AGAP1: variants seen among roughly 807,000 people sequenced by gnomAD.
AGAP1 encodes the protein ArfGAP with GTPase domain, ankyrin repeat and PH domain 1, also known as arf-GAP with GTPase, ANK repeat and PH domain-containing protein 1.
AGAP1 carries 29 observed loss-of-function variants against 105.3 expected under a neutral mutation model. The ratio of observed to expected loss-of-function variants is 0.28; its 90% confidence interval spans 0.21 to 0.38. The LOEUF is 0.38. AGAP1 is among the 10% of genes least tolerant of loss of function. AGAP1 has a pLI of 1.00. For synonymous variants in AGAP1, 509 were observed against 485.9 expected (o/e 1.05, Z -0.63); for missense variants, 998 against 1,165.1 (o/e 0.86, Z 2.09).
chr2:235,822,071 G>A (rs986995318), intron 9 of AGAP1, among the ~76,000 whole-genome samples: 1 of 152,204 alleles, frequency 6.6e-6, no homozygotes, highest in Non-Finnish European at 1.5e-5. Context: ...TGGACAAGGC[G>A]AGACCTATTG....
rs979529684 is a variant in AGAP1 at position 235,970,157 on chromosome 2, A to G, written c.1645+1534A>G. Among the ~76,000 whole-genome samples the G allele has an allele frequency of 5.4e-5, 8 of 149,452 alleles. No individual in the cohort carries two copies. The highest frequency in any genetic ancestry group is 1.5e-4 in the African/African-American group (6 of 40,454). Reference sequence around the variant, plus strand: ...GTGGAGGTTGCAGTGAACCGAGACCATGCCACTGCACTCCAGCCTGGGCGG... The same window carrying G: ...GTGGAGGTTGCAGTGAACCGAGACCGTGCCACTGCACTCCAGCCTGGGCGG... On this transcript the variant is annotated intron_variant, in intron 13 of 17. Coordinates refer to ENST00000304032, the MANE Select transcript of AGAP1 (RefSeq NM_001037131.3). This position sits in a 1 kb window ranked among gnomAD's most constrained non-coding sequence, Gnocchi z 5.4.
intron 1 of AGAP1, among the ~76,000 whole-genome samples, chr2:235,547,860 T>C (rs1319081605): frequency 6.6e-6 from 1 of 152,188 alleles, no homozygotes; most frequent in Non-Finnish European, 1.5e-5. Context: ...AATTTGCAAA[T>C]GCCAGGGTGA....
intron 12 of AGAP1, among the ~76,000 whole-genome samples, chr2:235,947,363 T>C (rs981718768): frequency 3.3e-5 from 5 of 152,226 alleles, no homozygotes; most frequent in African/African-American, 9.6e-5. Context: ...CTTAGAATAA[T>C]GGTCTCCAAA....
chr2:236,072,886 AAAGTCAAAAG>A, intron 16 of AGAP1, among the ~76,000 whole-genome samples: 1 of 152,350 alleles, frequency 6.6e-6, no homozygotes, highest in South Asian at 2.1e-4. Context: ...TGCATGTTAA[AAAGTCAAAAG>A]AACCTGATGG....
chr2:235,507,664 T>G (rs1376897387), intron 1 of AGAP1: 2 of 152,136 alleles, frequency 1.3e-5, no homozygotes, highest in African/African-American at 4.8e-5. Flanking sequence ...ACAGAGGTGG[T>G]AGGACCCTCA....
intron 9 of AGAP1, among the ~76,000 whole-genome samples, chr2:235,857,008 C>T (rs1012841247): frequency 1.3e-5 from 2 of 152,106 alleles, no homozygotes; most frequent in East Asian, 1.9e-4. Context: ...TTTAATGGGC[C>T]GGGATTTGTG....
At chr2:235,834,463 C>G (rs1959875511) in intron 9 of AGAP1, among the ~76,000 whole-genome samples, 1 of 152,224 alleles carries the variant, frequency 6.6e-6, no homozygotes, top group Admixed American at 6.5e-5. Context: ...CTCGTGCACC[C>G]ACCCAGGCCA....
At chr2:235,844,324 GGGC>G (rs1409599116) in intron 9 of AGAP1, among the ~76,000 whole-genome samples, 2 of 152,174 alleles carry the variant, frequency 1.3e-5, no homozygotes, top group East Asian at 3.9e-4. Flanking sequence ...TGAACAGGGA[GGGC>G]AGCTCCCACC....
At position 235,550,124 on chromosome 2, in the gene AGAP1, G is replaced by C. The variant is rs73118502; in HGVS notation, c.163+55275G>C. Among the ~76,000 whole-genome samples, 650 of 152,332 alleles carry C rather than the reference G, an allele frequency of 4.3e-3. 3 individuals carry two copies. Among genetic ancestry groups the C allele is most frequent in the African/African-American group, 0.014 (597 of 41,584 alleles). ...CATGTCCACATCTGGAGTAGACCCT[G>C]AGTGGGGCAGAACCATCATCCTGCG... is the stretch of plus-strand genomic sequence containing the variant. On this transcript the variant is annotated intron_variant, in intron 1 of 17. Coordinates refer to ENST00000304032, the MANE Select transcript of AGAP1 (RefSeq NM_001037131.3). This position sits in a 1 kb window ranked among gnomAD's most constrained non-coding sequence, Gnocchi z 4.6.
rs535823172 is a variant in AGAP1, at chr2:235,728,258, C to T, written c.310+10614C>T. 6.6e-6 allele frequency among the ~76,000 whole-genome samples: 1 copy of T among 151,780 alleles called. No individual in the cohort carries two copies. Among genetic ancestry groups the T allele is most frequent in the East Asian group, 1.9e-4 (1 of 5,164 alleles). ...CAAGCTCCCCGCTCCATTTCATGTG[C>T]TACTGGCTGGCTGTGAGATCTGAAA... On this transcript the variant is annotated intron_variant, in intron 3 of 17. Coordinates refer to ENST00000304032, the MANE Select transcript of AGAP1 (RefSeq NM_001037131.3). This position sits in a 1 kb window ranked among gnomAD's most constrained non-coding sequence, Gnocchi z 4.3.
At position 235,824,023 on chromosome 2, in the gene AGAP1, G is replaced by A. The variant is rs1958941414; in HGVS notation, c.1050+16692G>A. On this transcript the variant is annotated intron_variant, in intron 9 of 17. Transcript: ENST00000304032. The surrounding 1 kb of genome is among the most constrained non-coding windows in gnomAD (Gnocchi z 5.2). ...CCCAGGTCTGCCTATCCTAAAACCA[G>A]TGGTCTTCACATTGAAGGGCCTTAT... Among the ~76,000 whole-genome samples, 1 of 152,214 alleles carries A rather than the reference G, an allele frequency of 6.6e-6. No homozygotes were observed. Among genetic ancestry groups the A allele is most frequent in the African/African-American group, 2.4e-5 (1 of 41,454 alleles).
intron 9 of AGAP1, among the ~76,000 whole-genome samples, chr2:235,820,595 G>A (rs1469231452): frequency 6.6e-6 from 1 of 152,138 alleles, no homozygotes; most frequent in East Asian, 1.9e-4. Flanking sequence ...TTACCATATT[G>A]TTCAGTCTCT....
At position 235,793,470 on chromosome 2, in the gene AGAP1, G is replaced by C. The variant is rs575249060; in HGVS notation, c.674-4289G>C. On this transcript the variant is annotated intron_variant, in intron 6 of 17. Transcript: ENST00000304032. The surrounding 1 kb of genome is among the most constrained non-coding windows in gnomAD (Gnocchi z 5.3). ...GCTGTGGAACCAGGACAGTCTGTTG[G>C]GGTGCTGGCAGGGTGTTCGATTGCC... Among the ~76,000 whole-genome samples, 3 of 152,328 alleles carry C rather than the reference G, an allele frequency of 2.0e-5. No individual in the cohort carries two copies. The highest frequency in any genetic ancestry group is 3.4e-3 in the Middle Eastern group (1 of 294).
At position 236,113,279 on chromosome 2, in the gene AGAP1, T is replaced by G. The variant is rs2125945843; in HGVS notation, c.2115-6913T>G. Among the ~76,000 whole-genome samples the G allele has an allele frequency of 6.6e-6, 1 of 152,324 alleles. No homozygotes were observed. The highest frequency in any genetic ancestry group is 3.4e-3 in the Middle Eastern group (1 of 294). On this transcript the variant is annotated intron_variant, in intron 16 of 17. Transcript: ENST00000304032. This position sits in a 1 kb window ranked among gnomAD's most constrained non-coding sequence, Gnocchi z 4.3. ...CTCAGCCCCCCCGAGTAGCTGGGATTACAGGCATCCGCCACCATGCCCGGC... is the reference window on the plus strand; with the variant it reads ...CTCAGCCCCCCCGAGTAGCTGGGATGACAGGCATCCGCCACCATGCCCGGC...
rs1943028272 is a variant in AGAP1, at chr2:235,531,096, CTA to C, written c.163+36248_163+36249del. On this transcript the variant is annotated intron_variant, in intron 1 of 17. Coordinates refer to ENST00000304032, the MANE Select transcript of AGAP1 (RefSeq NM_001037131.3). ...ATTTAGGGTATTTGGCACAGATCTG[CTA>C]ATGCACGTGTCCGCAAATCTAGACT... 2.0e-5 allele frequency among the ~76,000 whole-genome samples: 3 copies of C among 152,222 alleles called. No homozygotes were observed. In the South Asian group the frequency reaches 6.2e-4, roughly 32 times the overall value.
At chr2:235,516,614 G>A (rs1471376550) in intron 1 of AGAP1, among the ~76,000 whole-genome samples, 4 of 152,128 alleles carry the variant, frequency 2.6e-5, no homozygotes, top group South Asian at 2.1e-4. Flanking sequence ...GCCAGCCTCC[G>A]TTCTCTGGGA....
intron 1 of AGAP1, among the ~76,000 whole-genome samples, chr2:235,514,093 C>T (rs780803955): frequency 5.9e-5 from 9 of 152,202 alleles, no homozygotes; most frequent in South Asian, 2.1e-4. Context: ...TCTGTATTTA[C>T]GTGACTGAGC....
At chr2:236,069,892 A>G (rs1360485509) in intron 16 of AGAP1, among the ~76,000 whole-genome samples, 1 of 152,200 alleles carries the variant, frequency 6.6e-6, no homozygotes, top group Non-Finnish European at 1.5e-5. Context: ...GCCATTTTAA[A>G]AATTTGGTTA....
Position 235,660,765 on chromosome 2 carries a change from C to T in AGAP1, c.164-48414C>T, listed in dbSNP as rs1030954073. 5.9e-5 allele frequency among the ~76,000 whole-genome samples: 9 copies of T among 152,198 alleles called. No homozygotes were observed. The highest frequency in any genetic ancestry group is 9.7e-5 in the African/African-American group (4 of 41,448). On this transcript the variant is annotated intron_variant, in intron 1 of 17. Transcript: ENST00000304032. The surrounding 1 kb of genome is among the most constrained non-coding windows in gnomAD (Gnocchi z 5.3). The stretch of plus-strand genomic sequence containing the variant: ...AGAAACAACCTCTGTTGGTTTTCAG[C>T]ATTGGAGCAGATGCTCCCCATACAT...
Sources: gnomAD v4.1 joint callset for allele counts (sites outside exome capture counted in the v4.1 genomes callset) on GRCh38, gnomAD v4.1.1 for gene constraint, Gnocchi (gnomAD v3.1) non-coding constraint, MANE v1.5 for transcripts, NCBI Gene and HGNC (gene_info 2026-07-23, HGNC 2026-07-21) for gene names.